The following ENPP6 variants were observed in gnomAD, a reference collection of about 807,000 sequenced individuals.
The protein encoded by ENPP6 is glycerophosphocholine cholinephosphodiesterase ENPP6.
ENPP6 carries 32 observed loss-of-function variants against 42.0 expected under a neutral mutation model. That is an observed-to-expected ratio of 0.76 (90% CI 0.58 to 1.02). ENPP6 has a LOEUF of 1.02. Among genes scored for constraint, ENPP6 ranks in the 50% least tolerant of loss-of-function variants. The probability of loss-of-function intolerance (pLI) is 0.00; values close to 1 mark genes in which losing one functional copy is unlikely to be tolerated. For missense variants in ENPP6, 552 were observed against 566.8 expected (o/e 0.97, Z 0.27); for synonymous variants, 213 against 216.0 (o/e 0.99, Z 0.12).
intron 6 of ENPP6, among the ~76,000 whole-genome samples, chr4:184,099,458 T>G (rs1030938199): frequency 6.6e-6 from 1 of 152,204 alleles, no homozygotes; most frequent in Non-Finnish European, 1.5e-5. Context: ...GACTGTGTGC[T>G]AAGTCCCTGA....
intron 1 of ENPP6, among the ~76,000 whole-genome samples, chr4:184,163,240 T>C (rs535413749): frequency 6.6e-6 from 1 of 152,322 alleles, no homozygotes; most frequent in South Asian, 2.1e-4. Flanking sequence ...TTCTCAGGAA[T>C]GGAAGGGACC....
intron 1 of ENPP6, chr4:184,203,830 T>C (rs1343683529): frequency 6.6e-6 from 1 of 152,216 alleles, no homozygotes; most frequent in Non-Finnish European, 1.5e-5. Context: ...GTGAGTAGGT[T>C]TGGTCATGGA....
intron 1 of ENPP6, among the ~76,000 whole-genome samples, chr4:184,196,238 C>T (rs1011201292): frequency 6.6e-6 from 1 of 152,246 alleles, no homozygotes; most frequent in Non-Finnish European, 1.5e-5. Flanking sequence ...CGAACCTTCC[C>T]TCTTCACATA....
At chr4:184,144,418 G>A (rs1481744588) in intron 2 of ENPP6, among the ~76,000 whole-genome samples, 1 of 152,162 alleles carries the variant, frequency 6.6e-6, no homozygotes, top group African/African-American at 2.4e-5. Context: ...GGCGGGACGG[G>A]ACAGACAGCC....
At chr4:184,144,671 A>C (rs908873427) in intron 2 of ENPP6, among the ~76,000 whole-genome samples, 1 of 152,194 alleles carries the variant, frequency 6.6e-6, no homozygotes, top group Non-Finnish European at 1.5e-5. Flanking sequence ...GAGCGCTGCT[A>C]CCAGCGCCTG....
In ENPP6 at chr4:184,112,689, C is replaced by A; in HGVS notation, c.976G>T (p.Gly326Cys). Reference sequence around the variant, plus strand: ...ATAATTACCTCAGTTATGAACCAGCCTTCATCAGCCACTAAAGTCAAAGGA... The same window carrying A: ...ATAATTACCTCAGTTATGAACCAGCATTCATCAGCCACTAAAGTCAAAGGA... Reference protein sequence around the residue: ...VSPLTLVADEGWFITENREML... With the variant: ...VSPLTLVADECWFITENREML... Residue 326 changes from glycine (G) to cysteine (C), a missense_variant, in exon 6 of 8, where the codon GGC becomes TGC. Around this residue, in one of 2 missense-constraint regions of ENPP6, gnomAD observed 545 missense variants for 546.3 expected, o/e 1.00. Coordinates refer to ENST00000296741, the MANE Select transcript of ENPP6 (RefSeq NM_153343.4). 1 of 1,613,952 alleles carries A rather than the reference C, an allele frequency of 6.2e-7. No individual in the cohort carries two copies. Among genetic ancestry groups the A allele is most frequent in the South Asian group, 1.1e-5 (1 of 91,012 alleles).
intron 1 of ENPP6, among the ~76,000 whole-genome samples, chr4:184,190,144 C>G (rs951051982): frequency 6.6e-6 from 1 of 152,150 alleles, no homozygotes. Flanking sequence ...TTTCCAGACT[C>G]TCTGTTATAA....
intron 1 of ENPP6, among the ~76,000 whole-genome samples, chr4:184,177,503 C>T (rs1737582986): frequency 1.3e-5 from 2 of 152,198 alleles, no homozygotes; most frequent in South Asian, 2.1e-4. Context: ...ACCCCCTCCA[C>T]CAAGGGGCAG....
At chr4:184,174,778 T>C (rs1737534241) in intron 1 of ENPP6, among the ~76,000 whole-genome samples, 1 of 152,208 alleles carries the variant, frequency 6.6e-6, no homozygotes, top group Non-Finnish European at 1.5e-5. Context: ...TTTAGCAAAG[T>C]GTGTAAATAT....
rs1019807498 is a variant in ENPP6, at chr4:184,153,865, T to G, written c.242-132A>C. 42 of 1,086,600 alleles carry G rather than the reference T, an allele frequency of 3.9e-5. No individual in the cohort carries two copies. The African/African-American group carries it at 6.4e-4, about 17-fold the overall frequency. The allele number at this position is 1,086,600 out of a possible 1,614,324, so 67.3% of individuals were successfully genotyped here. On this transcript the variant is annotated intron_variant, in intron 1 of 7. Transcript: ENST00000296741. ...ACAGCATAAAGATTTGCTTTTGACT[T>G]TAAAAAAAAATCAGATTTTTTTTTC... is the stretch of plus-strand genomic sequence containing the variant.
intron 2 of ENPP6, among the ~76,000 whole-genome samples, chr4:184,144,919 G>T (rs1385323680): frequency 6.6e-6 from 1 of 152,228 alleles, no homozygotes; most frequent in Non-Finnish European, 1.5e-5. Flanking sequence ...AATAGTGTGT[G>T]GCCTGACAGC....
chr4:184,152,225 G>T (rs1353257337), intron 2 of ENPP6, among the ~76,000 whole-genome samples: 1 of 152,148 alleles, frequency 6.6e-6, no homozygotes, highest in African/African-American at 2.4e-5. Context: ...CGCGGTCTCC[G>T]TGTGTCTGTG....
intron 1 of ENPP6, among the ~76,000 whole-genome samples, chr4:184,205,508 C>T (rs1254672887): frequency 6.6e-6 from 1 of 152,238 alleles, no homozygotes; most frequent in Non-Finnish European, 1.5e-5. Context: ...GGGAGCGAGG[C>T]CCCGAAGGGG....
At chr4:184,186,649 G>C (rs1732638278) in intron 1 of ENPP6, among the ~76,000 whole-genome samples, 1 of 152,172 alleles carries the variant, frequency 6.6e-6, no homozygotes, top group South Asian at 2.1e-4. Context: ...AATACACAGA[G>C]AGATCTTGAG....
chr4:184,121,398 T>C (rs1046262088), intron 3 of ENPP6, among the ~76,000 whole-genome samples: 1 of 152,232 alleles, frequency 6.6e-6, no homozygotes, highest in Non-Finnish European at 1.5e-5. Context: ...CCTCTCCTGC[T>C]TTCTGTCAAA....
intron 2 of ENPP6, among the ~76,000 whole-genome samples, chr4:184,140,884 A>G (rs1327170825): frequency 1.4e-5 from 2 of 140,596 alleles, no homozygotes; most frequent in Non-Finnish European, 3.1e-5. Context: ...GCCAAAATTG[A>G]CAAATGGGAT....
intron 1 of ENPP6, among the ~76,000 whole-genome samples, chr4:184,201,213 T>A (rs1732895175): frequency 6.6e-6 from 1 of 152,128 alleles, no homozygotes; most frequent in Non-Finnish European, 1.5e-5. Context: ...CTCGAGCAGG[T>A]GTTGCTGAAG....
At chr4:184,211,199 C>T (rs1274771671) in intron 1 of ENPP6, among the ~76,000 whole-genome samples, 1 of 151,726 alleles carries the variant, frequency 6.6e-6, no homozygotes, top group African/African-American at 2.4e-5. Context: ...AGAGCAAACA[C>T]ATTCAAAAGC....
At position 184,089,735 on chromosome 4, in the gene ENPP6, C is replaced by T. The variant is rs1735755082; in HGVS notation, c.*1442G>A. ...CTCCTGGCCTCAAGGGTTCGTTTGTCCCTCCTTGGCCTCCGAAAGTGTTGG... is the reference window on the plus strand; with the variant it reads ...CTCCTGGCCTCAAGGGTTCGTTTGTTCCTCCTTGGCCTCCGAAAGTGTTGG... On this transcript the variant is annotated 3_prime_UTR_variant, in exon 8 of 8. Transcript: ENST00000296741. The T allele has an allele frequency of 6.6e-6, 1 of 152,110 alleles. No homozygotes were observed. Among genetic ancestry groups the T allele is most frequent in the African/African-American group, 2.4e-5 (1 of 41,406 alleles). 9.4% of individuals were successfully genotyped at this position (152,110 alleles called of 1,614,324 possible). A position where few individuals can be genotyped will look rare whatever the true frequency, so the allele number is the denominator to read the frequency against.
Sources: allele counts gnomAD v4.1 joint callset (sites outside exome capture counted in the v4.1 genomes callset), GRCh38; gene constraint gnomAD v4.1.1; regional missense constraint gnomAD v4.1.1; transcripts MANE v1.5; gene names NCBI Gene and HGNC (gene_info 2026-07-23, HGNC 2026-07-21).